The following NELL1 variants were observed in gnomAD, a reference collection of about 807,000 sequenced individuals.
The protein encoded by NELL1 is protein kinase C-binding protein NELL1.
NELL1 carries 76 observed loss-of-function variants against 107.4 expected under a neutral mutation model. The ratio of observed to expected loss-of-function variants is 0.71; its 90% confidence interval spans 0.59 to 0.86. The LOEUF (loss-of-function observed/expected upper bound fraction) is 0.86. Among genes scored for constraint, NELL1 ranks in the 40% least tolerant of loss-of-function variants. The pLI, the probability that NELL1 is intolerant of heterozygous loss-of-function variation, is 0.00. For missense variants in NELL1, 1,024 were observed against 1,005.5 expected, an observed-to-expected ratio of 1.02 and a Z score of -0.25; for synonymous variants, 353 against 341.2, an observed-to-expected ratio of 1.03 and a Z score of -0.38.
intron 2 of NELL1, among the ~76,000 whole-genome samples, chr11:20,696,506 A>T (rs1854621383): frequency 6.6e-6 from 1 of 152,064 alleles, no homozygotes; most frequent in Non-Finnish European, 1.5e-5. Context: ...ATTTAACATT[A>T]TTGCCACATT....
chr11:21,113,142 C>T (rs912130360), intron 12 of NELL1, among the ~76,000 whole-genome samples: 2 of 151,776 alleles, frequency 1.3e-5, no homozygotes, highest in African/African-American at 4.8e-5. Flanking sequence ...CATTTTGTAG[C>T]GTTTGAATTG....
intron 16 of NELL1, among the ~76,000 whole-genome samples, chr11:21,543,880 C>G (rs1009819590): frequency 6.6e-6 from 1 of 151,998 alleles, no homozygotes; most frequent in African/African-American, 2.4e-5. Context: ...GCTGACAGAG[C>G]AAGCCTATAA....
intron 13 of NELL1, among the ~76,000 whole-genome samples, chr11:21,182,255 G>A (rs527474515): frequency 1.1e-4 from 16 of 151,730 alleles, no homozygotes; most frequent in African/African-American, 3.6e-4. Context: ...CCAACATAGC[G>A]AAACCCCGTC....
chr11:20,982,420 T>C (rs1038003713), intron 12 of NELL1, among the ~76,000 whole-genome samples: 2 of 152,194 alleles, frequency 1.3e-5, no homozygotes, highest in Admixed American at 6.6e-5. Context: ...AGAATGATTA[T>C]GTGGAGCAAA....
rs143059091 is a variant in NELL1, at chr11:20,863,844, G to C, written c.506+16091G>C. Among the ~76,000 whole-genome samples the C allele has an allele frequency of 7.6e-3, 1,157 of 152,320 alleles. 11 individuals are homozygous for C. The highest frequency in any genetic ancestry group is 0.024 in the Middle Eastern group (7 of 294). ...TTGAGCACTGAGTGAACGAGACTCC[G>C]TCTGCAATCCCGGCACCTCAGGAGG... On this transcript the variant is annotated intron_variant, in intron 4 of 19. Coordinates refer to ENST00000357134, the MANE Select transcript of NELL1 (RefSeq NM_006157.5).
chr11:21,461,906 A>C (rs748742353), intron 15 of NELL1, among the ~76,000 whole-genome samples: 4 of 152,128 alleles, frequency 2.6e-5, no homozygotes, highest in Non-Finnish European at 4.4e-5. Flanking sequence ...GCATATTCCA[A>C]AGGTCCAGGA....
intron 12 of NELL1, among the ~76,000 whole-genome samples, chr11:21,069,434 A>T (rs1832097866): frequency 6.6e-6 from 1 of 152,224 alleles, no homozygotes; most frequent in Non-Finnish European, 1.5e-5. Flanking sequence ...AAAGACATCA[A>T]TAAGTAGAGT....
rs1228974759 is a variant in NELL1, at chr11:21,422,093, ATATGTGTGTGTG to A, written c.1645+51147_1645+51158del. On this transcript the variant is annotated intron_variant, in intron 15 of 19. Transcript: ENST00000357134. ...GAGGAGGAAATTAAGACATTTACAC[ATATGTGTGTGTG>A]TGTGTGTGTGTGTGTGTGTACACAC... 6.0e-3 allele frequency among the ~76,000 whole-genome samples: 540 copies of A among 90,754 alleles called. 2 individuals carry two copies. Among genetic ancestry groups the A allele is most frequent in the Non-Finnish European group, 6.5e-3 (263 of 40,576 alleles). 59.5% of individuals were successfully genotyped at this position (90,754 alleles called of 152,430 possible).
chr11:21,440,559 G>A (rs1853256331), intron 15 of NELL1, among the ~76,000 whole-genome samples: 1 of 152,108 alleles, frequency 6.6e-6, no homozygotes, highest in Non-Finnish European at 1.5e-5. Context: ...ATTTAGTGCA[G>A]GCTTATCAAT....
At chr11:20,682,749 C>G (rs566607350) in intron 2 of NELL1, among the ~76,000 whole-genome samples, 1 of 152,014 alleles carries the variant, frequency 6.6e-6, no homozygotes, top group African/African-American at 2.4e-5. Context: ...ACTTACCTCT[C>G]CCAACCTCCA....
At chr11:21,526,740 G>A (rs1564941596) in intron 15 of NELL1, among the ~76,000 whole-genome samples, 1 of 152,170 alleles carries the variant, frequency 6.6e-6, no homozygotes, top group Non-Finnish European at 1.5e-5. Flanking sequence ...CATGGCCTGA[G>A]CTATACACTG....
At position 20,940,371 on chromosome 11, in the gene NELL1, T is replaced by C. The variant is rs867401319; in HGVS notation, c.1071+2512T>C. Among the ~76,000 whole-genome samples, 9 of 152,124 alleles carry C rather than the reference T, an allele frequency of 5.9e-5. No individual in the cohort carries two copies. The South Asian group carries it at 1.9e-3, about 32-fold the overall frequency. ...GCCTCCCAGGTTCAAGCAATTCTTCTGCCTTAGCCTCCTGAGTAGCTGGAA... is the reference window on the plus strand; with the variant it reads ...GCCTCCCAGGTTCAAGCAATTCTTCCGCCTTAGCCTCCTGAGTAGCTGGAA... On this transcript the variant is annotated intron_variant, in intron 10 of 19. Transcript: ENST00000357134.
intron 14 of NELL1, among the ~76,000 whole-genome samples, chr11:21,326,280 G>A (rs1367369714): frequency 6.7e-6 from 1 of 149,844 alleles, no homozygotes; most frequent in African/African-American, 2.5e-5. Flanking sequence ...TTGGCTTATT[G>A]GCTGTATGTC....
At position 20,783,829 on chromosome 11, in the gene NELL1, A is replaced by G. The variant is rs1310142895; in HGVS notation, c.334A>G (p.Ser112Gly). 6.2e-7 allele frequency: 1 copy of G among 1,608,312 alleles called. No homozygotes were observed. Among genetic ancestry groups the G allele is most frequent in the Admixed American group, 1.7e-5 (1 of 59,014 alleles). The change falls in exon 3 of 20, where the codon AGC (serine) becomes GGC (glycine). Residue 112 changes from serine to glycine, a missense_variant and splice_region_variant. Physicochemically the swap from Ser to Gly is moderately conservative, Grantham distance 56 (BLOSUM62 0). Transcript: ENST00000357134. The stretch of plus-strand genomic sequence containing the variant: ...ACTGTCCATTCGAGAACTGGAGCAC[A>G]GGTAAGAAAGCTCTTTCTGCTTTTG... ...VILSIRELEH[S>G]YFELESSGLR...
At chr11:21,225,883 T>C (rs1157552641) in intron 13 of NELL1, among the ~76,000 whole-genome samples, 1 of 152,192 alleles carries the variant, frequency 6.6e-6, no homozygotes, top group Non-Finnish European at 1.5e-5. Context: ...TCCCAAGTGA[T>C]AGGTTCTATC....
intron 14 of NELL1, among the ~76,000 whole-genome samples, chr11:21,365,442 G>A (rs780418290): frequency 2.0e-5 from 3 of 152,134 alleles, no homozygotes; most frequent in Non-Finnish European, 2.9e-5. Flanking sequence ...ATGATTAATC[G>A]ACAGTGTTAC....
At chr11:20,895,148 T>C (rs1478640328) in intron 5 of NELL1, among the ~76,000 whole-genome samples, 4 of 141,112 alleles carry the variant, frequency 2.8e-5, no homozygotes, top group Non-Finnish European at 4.6e-5. Context: ...GGCGGGCGCC[T>C]GTAGTCCCAG....
intron 15 of NELL1, among the ~76,000 whole-genome samples, chr11:21,437,838 A>C (rs1030008859): frequency 1.3e-5 from 2 of 152,126 alleles, no homozygotes; most frequent in Non-Finnish European, 2.9e-5. Flanking sequence ...CTTTTTTTAA[A>C]ATCAGTTTAG....
rs200665901 is a variant in NELL1 at position 20,690,858 on chromosome 11, G to A, written c.184+12798G>A. Among the ~76,000 whole-genome samples, 1,372 of 150,702 alleles carry A rather than the reference G, an allele frequency of 9.1e-3. 19 individuals are homozygous for A. The highest frequency in any genetic ancestry group is 0.035 in the Admixed American group (527 of 15,124). On this transcript the variant is annotated intron_variant, in intron 2 of 19. Transcript: ENST00000357134. The stretch of plus-strand genomic sequence containing the variant: ...GCTTGATGGGGATGGCATTGAATCT[G>A]TAAATTACCTTGGGCAGTATGGCCA...
Sources: allele counts gnomAD v4.1 joint callset (sites outside exome capture counted in the v4.1 genomes callset), GRCh38; gene constraint gnomAD v4.1.1; transcripts MANE v1.5; gene names NCBI Gene and HGNC (gene_info 2026-07-23, HGNC 2026-07-21).